The following DST variants were observed in gnomAD, a reference collection of about 807,000 sequenced individuals.
DST encodes bullous pemphigoid antigen.
DST carries 253 observed loss-of-function variants against 875.2 expected under a neutral mutation model. The ratio of observed to expected loss-of-function variants is 0.29; its 90% CI spans 0.26 to 0.32. The LOEUF (loss-of-function observed/expected upper bound fraction) is 0.32. Ranked by LOEUF, DST falls within the 10% of genes least tolerant of loss-of-function variation. The pLI is 1.00. For synonymous variants in DST, 3,124 were observed against 3,197.1 expected (o/e 0.98, Z 0.77); for missense variants, 8,287 against 9,111.6 (o/e 0.91, Z 3.68).
chr6:56,476,241 A>C lies in DST; in HGVS notation c.21772T>G (p.Leu7258Val), dbSNP rs2095183132. 6.2e-7 allele frequency: 1 copy of C among 1,611,480 alleles called. No individual in the cohort carries two copies. The highest frequency in any genetic ancestry group is 8.5e-7 in the Non-Finnish European group (1 of 1,178,788). ...QELLEALLAW[L>V]QWAETTLTDK... The stretch of plus-strand genomic sequence containing the variant: ...GTAAGTGTAGTTTCAGCCCATTGCA[A>C]CCAAGCCAGCAAAGCTTCCAACAAT... Residue 7258 changes from leucine to valine, a missense_variant, in exon 92 of 104, where the codon TTG becomes GTG. Leu to Val is a conservative substitution (Grantham distance 32). Coordinates refer to ENST00000680361, the MANE Select transcript of DST (RefSeq NM_001374736.1).
intron 36 of DST, chr6:56,615,213 C>T: frequency 8.5e-7 from 1 of 1,177,562 alleles, no homozygotes; most frequent in Non-Finnish European, 1.1e-6. Context: ...AGAAATGACA[C>T]TGTGAACTTG....
intron 4 of DST, among the ~76,000 whole-genome samples, chr6:56,842,405 A>T: frequency 6.6e-6 from 1 of 152,232 alleles, no homozygotes; most frequent in Non-Finnish European, 1.5e-5. Flanking sequence ...TTCAACTATG[A>T]AGTCCAAGTA....
chr6:56,554,201 C>T (rs1260662965), intron 60 of DST, among the ~76,000 whole-genome samples: 1 of 150,026 alleles, frequency 6.7e-6, no homozygotes, highest in Non-Finnish European at 1.5e-5. Context: ...TCTCCTGCCT[C>T]AGCCTCCTGA....
At chr6:56,918,824 A>G (rs1298025280) in intron 2 of DST, among the ~76,000 whole-genome samples, 1 of 152,166 alleles carries the variant, frequency 6.6e-6, no homozygotes, top group Non-Finnish European at 1.5e-5. Flanking sequence ...CCCGGGCGAC[A>G]GAGGTTGCAG....
At chr6:56,642,248 G>T (rs1349409988) in intron 16 of DST, 147 bp from the exon 17 acceptor site, 3 of 879,072 alleles carry the variant, frequency 3.4e-6, no homozygotes, top group Non-Finnish European at 5.5e-6. Context: ...CCCTCTTCTT[G>T]TCTCTCAAGA....
intron 4 of DST, among the ~76,000 whole-genome samples, chr6:56,825,585 T>C (rs1396528092): frequency 6.6e-6 from 1 of 152,212 alleles, no homozygotes; most frequent in East Asian, 1.9e-4. Context: ...CTTCTGTTTT[T>C]ATAAACAAAT....
At chr6:56,950,710 T>C (rs1253819266) in intron 2 of DST, among the ~76,000 whole-genome samples, 1 of 152,234 alleles carries the variant, frequency 6.6e-6, no homozygotes, top group Non-Finnish European at 1.5e-5. Flanking sequence ...ATAAAACACA[T>C]ATTTCTGTCT....
chr6:56,743,789 G>A (rs1375513942), intron 4 of DST, among the ~76,000 whole-genome samples: 1 of 152,122 alleles, frequency 6.6e-6, no homozygotes, highest in African/African-American at 2.4e-5. Context: ...GTTTGTAAAA[G>A]CCTACTCAAC....
At chr6:56,633,764 A>C (rs953987020) in intron 27 of DST, among the ~76,000 whole-genome samples, 1 of 152,000 alleles carries the variant, frequency 6.6e-6, no homozygotes, top group Admixed American at 6.6e-5. Flanking sequence ...GGCCTCCCAA[A>C]GTCCTGGGAT....
At chr6:56,822,830 T>C (rs1266292202) in intron 4 of DST, among the ~76,000 whole-genome samples, 1 of 151,570 alleles carries the variant, frequency 6.6e-6, no homozygotes, top group Non-Finnish European at 1.5e-5. Flanking sequence ...TTATTTTATT[T>C]ATTTATTTTT....
chr6:56,617,964 G>A, intron 36 of DST: 2 of 1,593,394 alleles, frequency 1.3e-6, no homozygotes, highest in Middle Eastern at 3.3e-4. Context: ...TAGCTGATAA[G>A]GTCTCAGAAC....
intron 22 of DST, chr6:56,638,941 CTA>C (rs1371319984): frequency 5.1e-6 from 2 of 389,790 alleles, no homozygotes; most frequent in African/African-American, 4.1e-5. Context: ...CTTGGCAATA[CTA>C]TGTCACTTGT....
chr6:56,501,338 A>G, intron 79 of DST, 103 bp from the exon 80 acceptor site: 2 of 1,308,446 alleles, frequency 1.5e-6, no homozygotes, highest in East Asian at 2.6e-5. Context: ...GTATAAGTCC[A>G]TAAACGTATC....
At chr6:56,509,298 T>G (rs1449672687) in intron 74 of DST, among the ~76,000 whole-genome samples, 1 of 152,282 alleles carries the variant, frequency 6.6e-6, no homozygotes, top group Non-Finnish European at 1.5e-5. Context: ...CCATGCTATG[T>G]AAGGTAGCAG....
intron 4 of DST, among the ~76,000 whole-genome samples, chr6:56,769,527 A>G (rs946298243): frequency 6.6e-6 from 1 of 151,604 alleles, no homozygotes; most frequent in Middle Eastern, 3.2e-3. Flanking sequence ...AAAGTCTATT[A>G]AAAAAAAATT....
chr6:56,555,521 A>C lies in DST; in HGVS notation c.14960T>G (p.Leu4987Trp), dbSNP rs2097399799. ...STHPDAMNQQ[L>W]ETAQKMKQEI... ...CTGCTTCATTTTTTGGGCTGTTTCCAACTGTTGGTTCATAGCATCAGGGTG... is the reference window on the plus strand; with the variant it reads ...CTGCTTCATTTTTTGGGCTGTTTCCCACTGTTGGTTCATAGCATCAGGGTG... The change falls in exon 60 of 104, where the codon TTG becomes TGG. Residue 4987 changes from leucine (L) to tryptophan (W), a missense_variant. Transcript: ENST00000680361. 6.2e-7 allele frequency: 1 copy of C among 1,613,910 alleles called. No homozygotes were observed. The highest frequency in any genetic ancestry group is 8.5e-7 in the Non-Finnish European group (1 of 1,179,894).
At chr6:56,535,786 C>A (rs1043869308) in intron 62 of DST, among the ~76,000 whole-genome samples, 7 of 152,164 alleles carry the variant, frequency 4.6e-5, no homozygotes, top group African/African-American at 1.2e-4. Flanking sequence ...GCTCCAAGCT[C>A]TGGAGTCTTT....
intron 4 of DST, among the ~76,000 whole-genome samples, chr6:56,736,114 C>G (rs981860991): frequency 6.6e-6 from 1 of 151,852 alleles, no homozygotes; most frequent in East Asian, 1.9e-4. Context: ...GGTCTCGAAC[C>G]CCTGACTTCA....
intron 70 of DST, 44 bp downstream of exon 70, chr6:56,517,457 A>G (rs1292468444): frequency 1.9e-6 from 3 of 1,604,292 alleles, no homozygotes; most frequent in South Asian, 2.2e-5. Flanking sequence ...GTTGGAGCAC[A>G]CCAGCAAATA....
Sources: gnomAD v4.1 joint callset for allele counts (sites outside exome capture counted in the v4.1 genomes callset) on GRCh38, gnomAD v4.1.1 for gene constraint, MANE v1.5 for transcripts, NCBI Gene and HGNC (gene_info 2026-07-23, HGNC 2026-07-21) for gene names.